Variants in TRPM3 observed in about 807,000 individuals in gnomAD.
The protein encoded by TRPM3 is transient receptor potential cation channel subfamily M member 3.
TRPM3 carries 77 observed loss-of-function variants against 181.2 expected under a neutral mutation model. The ratio of observed to expected loss-of-function variants is 0.42; its 90% CI spans 0.35 to 0.51. The LOEUF (loss-of-function observed/expected upper bound fraction) is 0.51. Ranked by LOEUF, TRPM3 falls within the 20% of genes least tolerant of loss-of-function variation. The pLI is 0.01. For synonymous variants in TRPM3, 745 were observed against 796.4 expected, an observed-to-expected ratio of 0.94 and a Z score of 1.09; for missense variants, 1,759 against 2,196.7, an observed-to-expected ratio of 0.80 and a Z score of 3.98.
chr9:71,437,875 A>G lies in TRPM3; in HGVS notation c.183+8778T>C, dbSNP rs978784335. On this transcript the variant is annotated intron_variant, in intron 1 of 24. Transcript: ENST00000357533. Reference sequence around the variant, plus strand: ...AGAGCGAAACTCCGGAAAAAAAAAAAAAAAAGAAAAAAAAACCCTAAAACA... The same window carrying G: ...AGAGCGAAACTCCGGAAAAAAAAAAGAAAAAGAAAAAAAAACCCTAAAACA... 3.9e-5 allele frequency among the ~76,000 whole-genome samples: 6 copies of G among 151,980 alleles called. No individual in the cohort carries two copies. In the South Asian group the frequency reaches 1.0e-3, roughly 26 times the overall value.
chr9:71,118,320 A>C (rs1055124617), intron 1 of TRPM3, among the ~76,000 whole-genome samples: 1 of 152,238 alleles, frequency 6.6e-6, no homozygotes, highest in Non-Finnish European at 1.5e-5. Context: ...AGATGCTTTC[A>C]GGAGGAATAA....
rs936143015 is a variant in TRPM3, at chr9:70,752,875, C to T, written c.1272+8726G>A. Among the ~76,000 whole-genome samples, 18 of 152,030 alleles carry T rather than the reference C, an allele frequency of 1.2e-4. 1 individual carries two copies. Among genetic ancestry groups the T allele is most frequent in the South Asian group, 6.2e-4 (3 of 4,816 alleles). ...CTGTACTCTCAGCACTTTGGCAGGC[C>T]GAGGTGGGCAGATCACCTGAGGTCA... On this transcript the variant is annotated intron_variant, in intron 8 of 25. Transcript: ENST00000677713.
intron 1 of TRPM3, among the ~76,000 whole-genome samples, chr9:71,335,070 G>C (rs951777487): frequency 6.6e-6 from 1 of 152,108 alleles, no homozygotes. Flanking sequence ...GAACTAGAAG[G>C]TATTAGGAAG....
At position 70,669,735 on chromosome 9, in the gene TRPM3, TTTC is replaced by T. The variant is rs1563922637; in HGVS notation, c.1345+11768_1345+11770del. On this transcript the variant is annotated intron_variant, in intron 9 of 25. Coordinates refer to ENST00000677713, the MANE Select transcript of TRPM3 (RefSeq NM_001366145.2). ...CTTTTTCTTTTCTTTTCTTTCTTTC[TTTC>T]TTTCTTTTCTTTTTTTTTTTTTTGA... Among the ~76,000 whole-genome samples the T allele has an allele frequency of 2.2e-3, 310 of 143,062 alleles. 1 individual carries two copies. Among genetic ancestry groups the T allele is most frequent in the African/African-American group, 7.9e-3 (292 of 37,148 alleles). 93.9% of individuals were successfully genotyped at this position (143,062 alleles called of 152,430 possible).
At chr9:71,016,427 C>T (rs769924997) in intron 1 of TRPM3, among the ~76,000 whole-genome samples, 3 of 152,026 alleles carry the variant, frequency 2.0e-5, no homozygotes, top group Non-Finnish European at 4.4e-5. Flanking sequence ...GTCATCATTC[C>T]TCCCTCCCTA....
rs765616705 is a variant in TRPM3 at position 71,121,328 on chromosome 9, A to C, written c.27T>G (p.Tyr9Ter). ...TGAAAACCTGAGCAATGCCTAGAAA[A>C]TAAACGGTCCCCCACGGCTCTGGCA... is the stretch of plus-strand genomic sequence containing the variant. MPEPWGTV[Y>*]FLGIAQVFSF... The change falls in exon 1 of 26, where the codon TAT (tyrosine) becomes TAG (stop). Residue 9 changes from tyrosine (Y) to a stop codon, truncating the protein, a stop_gained. Coordinates refer to ENST00000677713, the MANE Select transcript of TRPM3 (RefSeq NM_001366145.2). LOFTEE classifies it high-confidence loss of function. The C allele has an allele frequency of 1.2e-6, 2 of 1,613,986 alleles. No individual in the cohort carries two copies. The highest frequency in any genetic ancestry group is 1.7e-6 in the Non-Finnish European group (2 of 1,180,004).
intron 1 of TRPM3, among the ~76,000 whole-genome samples, chr9:71,072,050 A>G (rs1311744976): frequency 6.6e-6 from 1 of 152,224 alleles, no homozygotes; most frequent in African/African-American, 2.4e-5. Context: ...TAGAACTCAT[A>G]GGCCCAGACC....
intron 1 of TRPM3, among the ~76,000 whole-genome samples, chr9:71,091,147 T>C (rs1422111455): frequency 2.0e-5 from 3 of 152,216 alleles, no homozygotes; most frequent in Admixed American, 6.5e-5. Flanking sequence ...AAACACACCA[T>C]GCTTACCATT....
chr9:71,007,067 AG>A (rs1329404732), intron 1 of TRPM3, among the ~76,000 whole-genome samples: 117 of 135,560 alleles, frequency 8.6e-4, no homozygotes, highest in Middle Eastern at 4.1e-3. Flanking sequence ...AAAAAAAGAA[AG>A]AAAAAAAAGA....
At chr9:70,910,057 C>A (rs1238255414) in intron 1 of TRPM3, among the ~76,000 whole-genome samples, 2 of 152,000 alleles carry the variant, frequency 1.3e-5, no homozygotes, top group African/African-American at 4.8e-5. Context: ...CAGTCCTAGG[C>A]AAATAACAAA....
At chr9:71,177,220 G>A (rs957268716) in intron 1 of TRPM3, among the ~76,000 whole-genome samples, 1 of 152,064 alleles carries the variant, frequency 6.6e-6, no homozygotes, top group Non-Finnish European at 1.5e-5. Flanking sequence ...CTAGTTGCAG[G>A]AAAACAAGCT....
At chr9:70,792,053 A>T (rs1481401230) in intron 6 of TRPM3, among the ~76,000 whole-genome samples, 1 of 152,308 alleles carries the variant, frequency 6.6e-6, no homozygotes, top group Non-Finnish European at 1.5e-5. Flanking sequence ...TCACTGTGGC[A>T]TGTGTACTGA....
At chr9:71,192,708 C>T (rs2135014557) in intron 1 of TRPM3, among the ~76,000 whole-genome samples, 1 of 151,900 alleles carries the variant, frequency 6.6e-6, no homozygotes, top group African/African-American at 2.4e-5. Context: ...TCTAGGTTGC[C>T]TTTTCATCCT....
intron 1 of TRPM3, among the ~76,000 whole-genome samples, chr9:70,906,638 C>A (rs1485291965): frequency 6.6e-6 from 1 of 152,194 alleles, no homozygotes; most frequent in African/African-American, 2.4e-5. Context: ...CATAGTTGCT[C>A]ATGCCTGTAA....
At chr9:70,954,464 C>T (rs2097043481) in intron 1 of TRPM3, among the ~76,000 whole-genome samples, 2 of 152,166 alleles carry the variant, frequency 1.3e-5, no homozygotes, top group Non-Finnish European at 2.9e-5. Context: ...GTTTCCTTGT[C>T]TCTAAGACTC....
At chr9:70,831,962 AATATATATATATATAT>A (rs71367232) in intron 5 of TRPM3, among the ~76,000 whole-genome samples, 3,461 of 64,240 alleles carry the variant, frequency 0.054, 136 homozygotes, top group Middle Eastern at 0.11. Flanking sequence ...GTACCCCATA[AATATATATATATATAT>A]ATATATATAT....
At chr9:70,969,206 T>C (rs1006147654) in intron 1 of TRPM3, among the ~76,000 whole-genome samples, 1 of 150,486 alleles carries the variant, frequency 6.6e-6, no homozygotes, top group Non-Finnish European at 1.5e-5. Flanking sequence ...TTCTCACTCA[T>C]AAATGGGAGT....
At chr9:71,081,554 G>A (rs192232605) in intron 1 of TRPM3, among the ~76,000 whole-genome samples, 184 of 152,278 alleles carry the variant, frequency 1.2e-3, no homozygotes, top group African/African-American at 4.1e-3. Flanking sequence ...GAAAAGATTT[G>A]CAAGATGCCA....
At chr9:71,302,571 A>G (rs923115361) in intron 1 of TRPM3, among the ~76,000 whole-genome samples, 2 of 152,208 alleles carry the variant, frequency 1.3e-5, no homozygotes, top group Non-Finnish European at 2.9e-5. Flanking sequence ...CGAAAGGTAG[A>G]ATGCAGCAAA....
Sources: allele counts gnomAD v4.1 joint callset (sites outside exome capture counted in the v4.1 genomes callset), GRCh38; gene constraint gnomAD v4.1.1; transcripts MANE v1.5; gene names NCBI Gene and HGNC (gene_info 2026-07-23, HGNC 2026-07-21).